DYSF: variants seen among roughly 807,000 people sequenced by gnomAD.
DYSF encodes the protein dystrophy-associated fer-1-like 1.
A neutral mutation model predicts 274.9 loss-of-function variants in DYSF; 212 were observed. The observed-to-expected ratio is 0.77, with a 90% CI of 0.69 to 0.86. The LOEUF (loss-of-function observed/expected upper bound fraction) is 0.86. Among genes scored for constraint, DYSF ranks in the 40% least tolerant of loss-of-function variants. The pLI is 0.00. For missense variants in DYSF, 2,666 were observed against 2,783.2 expected (o/e 0.96, Z 0.95); for synonymous variants, 1,091 against 1,078.7 (o/e 1.01, Z -0.22).
intron 3 of DYSF, among the ~76,000 whole-genome samples, chr2:71,484,045 C>CTTTTTTTT (rs59780652): frequency 4.4e-5 from 3 of 67,548 alleles, no homozygotes; most frequent in African/African-American, 6.1e-5. Context: ...GGAGATTTCC[C>CTTTTTTTT]TTTTTTTTTT....
In DYSF at chr2:71,561,778, C is replaced by T; in HGVS notation, c.2243C>T (p.Thr748Ile). The T allele has an allele frequency of 1.2e-6, 2 of 1,614,154 alleles. No homozygotes were observed. Among genetic ancestry groups the T allele is most frequent in the Non-Finnish European group, 1.7e-6 (2 of 1,180,022 alleles). ...CSQPLGDIHETPSATHLDQYL... is the reference protein window; with the variant it reads ...CSQPLGDIHEIPSATHLDQYL... ...CAGCCTCTGGGTGACATCCATGAGA[C>T]ACCCTCTGCCACCCACCTGGACCAG... The change falls in exon 23 of 56, where the codon ACA becomes ATA. Residue 748 changes from threonine to isoleucine, a missense_variant. Coordinates refer to ENST00000410020, the MANE Select transcript of DYSF (RefSeq NM_001130987.2).
rs762970438 is a variant in DYSF at position 71,664,335 on chromosome 2, C to G, written c.5071C>G (p.Leu1691Val). The change falls in exon 46 of 56, where the codon CTC (leucine) becomes GTC (valine). Residue 1691 changes from leucine (L) to valine (V), a missense_variant. Transcript: ENST00000410020. ...DLKITLYDYD[L>V]LSKDEKIGET... ...AAAGATCACTCTCTATGACTATGAC[C>G]TCCTCTCCAAGGACGAAAAGATCGG... 6 of 1,614,080 alleles carry G rather than the reference C, an allele frequency of 3.7e-6. No individual in the cohort carries two copies. In the African/African-American group the frequency reaches 8.0e-5, roughly 22 times the overall value.
intron 17 of DYSF, among the ~76,000 whole-genome samples, chr2:71,540,163 T>C (rs1042916175): frequency 6.6e-6 from 1 of 151,084 alleles, no homozygotes; most frequent in Non-Finnish European, 1.5e-5. Flanking sequence ...CAGGCTGCAG[T>C]GTAGTGGCCC....
chr2:71,490,711 G>T lies in DYSF; in HGVS notation c.239+8741G>T, dbSNP rs576501771. ...CATACTCATTTACTTATACAAAAAT[G>T]GAATTATGCTATATGTATTGGTCTG... is the stretch of plus-strand genomic sequence containing the variant. On this transcript the variant is annotated intron_variant, in intron 3 of 55. Transcript: ENST00000410020. Among the ~76,000 whole-genome samples, 202 of 152,298 alleles carry T rather than the reference G, an allele frequency of 1.3e-3. 1 individual carries two copies. The highest frequency in any genetic ancestry group is 4.4e-3 in the African/African-American group (183 of 41,556).
intron 30 of DYSF, among the ~76,000 whole-genome samples, chr2:71,579,484 C>T (rs1430839466): frequency 2.6e-5 from 4 of 152,124 alleles, no homozygotes; most frequent in South Asian, 2.1e-4. Flanking sequence ...TGTGTACGCA[C>T]GCATGTATGA....
intron 1 of DYSF, among the ~76,000 whole-genome samples, chr2:71,455,274 T>C (rs2081013759): frequency 6.6e-6 from 1 of 152,236 alleles, no homozygotes; most frequent in Non-Finnish European, 1.5e-5. Flanking sequence ...CATGAGTACC[T>C]TCTCTTGGGT....
chr2:71,558,031 CA>C (rs58123195), intron 22 of DYSF, among the ~76,000 whole-genome samples: 134 of 132,232 alleles, frequency 1.0e-3, no homozygotes, highest in Non-Finnish European at 1.1e-3. Flanking sequence ...GACTCTGTCT[CA>C]AAAAAAAAAA....
chr2:71,552,079 A>C (rs760249831), intron 19 of DYSF, among the ~76,000 whole-genome samples: 8 of 152,204 alleles, frequency 5.3e-5, no homozygotes, highest in Non-Finnish European at 8.8e-5. Context: ...CTCTGCCATT[A>C]CTGACTCCTC....
chr2:71,612,791 C>G lies in DYSF; in HGVS notation c.4372C>G (p.Pro1458Ala), dbSNP rs151109021. The G allele has an allele frequency of 6.2e-7, 1 of 1,612,756 alleles. No homozygotes were observed. Among genetic ancestry groups the G allele is most frequent in the Non-Finnish European group, 8.5e-7 (1 of 1,179,054 alleles). The change falls in exon 39 of 56, where the codon CCA becomes GCA. Residue 1458 changes from proline (P) to alanine (A), a missense_variant. Physicochemically the swap from Pro to Ala is conservative, Grantham distance 27. Transcript: ENST00000410020. ...CDPYSAESPS[P>A]QGGPDDVSLL... ...CCCCTACTCGGCGGAGAGTCCATCC[C>G]CACAGGGTGGCCCAGGTAGGGGAAG... is the stretch of plus-strand genomic sequence containing the variant.
At chr2:71,589,796 GTC>G in intron 31 of DYSF, 110 bp downstream of exon 31, 1 of 1,126,730 alleles carries the variant, frequency 8.9e-7, no homozygotes, top group South Asian at 1.2e-5. Context: ...GGGGAGCTGA[GTC>G]TCTGTGCTTT....
In DYSF at chr2:71,515,712, G is replaced by T; in HGVS notation, c.849G>T (p.Arg283=). 1 of 1,614,152 alleles carries T rather than the reference G, an allele frequency of 6.2e-7. No individual in the cohort carries two copies. Reference sequence around the variant, plus strand: ...TTACCGCTGCAGGGCAGACCAAGCGGACGCGGATCCACAAGGGAAACAGCC... The same window carrying T: ...TTACCGCTGCAGGGCAGACCAAGCGTACGCGGATCCACAAGGGAAACAGCC... ...VKVTAAGQTK[R]TRIHKGNSPL... The change falls in exon 8 of 56, where the codon CGG becomes CGT. Residue 283 remains arginine, a synonymous_variant. Transcript: ENST00000410020.
At position 71,619,294 on chromosome 2, in the gene DYSF, G is replaced by A. The variant is rs565373658; in HGVS notation, c.4465-1253G>A. 1.7e-3 allele frequency among the ~76,000 whole-genome samples: 261 copies of A among 152,152 alleles called. 3 individuals are homozygous for A. Among genetic ancestry groups the A allele is most frequent in the Non-Finnish European group, 4.7e-4 (32 of 67,950 alleles). On this transcript the variant is annotated intron_variant, in intron 40 of 55. Transcript: ENST00000410020. ...TATTCCAGGGGTCACACGACATGTG[G>A]CCAGCACCCCAGGGCCATCCAGCAG...
intron 17 of DYSF, among the ~76,000 whole-genome samples, chr2:71,547,901 C>T (rs557430808): frequency 1.4e-4 from 21 of 152,218 alleles, no homozygotes; most frequent in African/African-American, 4.8e-4. Context: ...ACCTTGGCCT[C>T]ATTAGCCCGA....
In DYSF at chr2:71,589,586, T is replaced by C; in HGVS notation, c.3403-7T>C. 2 of 1,613,800 alleles carry C rather than the reference T, an allele frequency of 1.2e-6. No individual in the cohort carries two copies. Among genetic ancestry groups the C allele is most frequent in the Non-Finnish European group, 1.7e-6 (2 of 1,179,826 alleles). On this transcript the variant is annotated splice_region_variant and splice_polypyrimidine_tract_variant and intron_variant, in intron 30 of 55. Coordinates refer to ENST00000410020, the MANE Select transcript of DYSF (RefSeq NM_001130987.2). ...AGAATCTGCCATAACCAGCTTCGTG[T>C]CTCCAGGGCGGCGTGATGGATGACA... is the stretch of plus-strand genomic sequence containing the variant.
intron 17 of DYSF, among the ~76,000 whole-genome samples, chr2:71,542,734 T>C (rs2090038206): frequency 6.6e-6 from 1 of 152,200 alleles, no homozygotes; most frequent in Admixed American, 6.5e-5. Flanking sequence ...AGAATTTTTC[T>C]TAGTACAGAA....
intron 1 of DYSF, among the ~76,000 whole-genome samples, chr2:71,477,314 T>C (rs2082471443): frequency 6.6e-6 from 1 of 151,934 alleles, no homozygotes. Context: ...TGCCAGCACA[T>C]AGGTTGCATG....
intron 14 of DYSF, 148 bp downstream of exon 14, chr2:71,528,549 C>T: frequency 1.4e-6 from 1 of 694,620 alleles, no homozygotes; most frequent in Non-Finnish European, 2.5e-6. Flanking sequence ...TGGTGAGACA[C>T]CCACATAGGC....
At chr2:71,495,209 C>T (rs1313476249) in intron 3 of DYSF, among the ~76,000 whole-genome samples, 8 of 152,212 alleles carry the variant, frequency 5.3e-5, no homozygotes, top group African/African-American at 1.9e-4. Flanking sequence ...TCCCCAGTAC[C>T]TACAACCGTA....
At chr2:71,590,918 T>A (rs932425889) in intron 32 of DYSF, among the ~76,000 whole-genome samples, 2 of 152,194 alleles carry the variant, frequency 1.3e-5, no homozygotes, top group Non-Finnish European at 2.9e-5. Context: ...TGCCCCTTTG[T>A]ATCTAGGTCA....
Sources: allele counts gnomAD v4.1 joint callset (sites outside exome capture counted in the v4.1 genomes callset), GRCh38; gene constraint gnomAD v4.1.1; transcripts MANE v1.5; gene names NCBI Gene and HGNC (gene_info 2026-07-23, HGNC 2026-07-21).